Variants in BRINP3 observed in about 807,000 individuals in gnomAD.
The protein encoded by BRINP3 is BMP/retinoic acid-inducible neural-specific protein 3.
A neutral mutation model predicts 71.0 loss-of-function variants in BRINP3; 19 were observed. That is an observed-to-expected ratio of 0.27 (90% CI 0.19 to 0.39). The LOEUF (loss-of-function observed/expected upper bound fraction) is 0.39, where lower values mean the gene tolerates loss of function less well. Among genes scored for constraint, BRINP3 ranks in the 10% least tolerant of loss-of-function variants. The probability of loss-of-function intolerance (pLI) is 1.00; values close to 1 mark genes in which losing one functional copy is unlikely to be tolerated. For missense variants in BRINP3, 959 were observed against 940.8 expected (o/e 1.02, Z -0.25); for synonymous variants, 380 against 337.7 (o/e 1.13, Z -1.37).
At position 190,239,377 on chromosome 1, in the gene BRINP3, A is replaced by T. The variant is rs1479307528; in HGVS notation, c.619-4900T>A. ...ACAATGTTGAAGGAACAATATATAA[A>T]TGTTTCAATATTCTAACACTAGAAG... is the stretch of plus-strand genomic sequence containing the variant. On this transcript the variant is annotated intron_variant, in intron 4 of 7. Transcript: ENST00000367462. Among the ~76,000 whole-genome samples the T allele has an allele frequency of 3.3e-5, 5 of 152,162 alleles. No homozygotes were observed. The East Asian group carries it at 9.7e-4, about 29-fold the overall frequency.
chr1:190,432,439 A>G (rs956373678), intron 2 of BRINP3, among the ~76,000 whole-genome samples: 8 of 152,232 alleles, frequency 5.3e-5, no homozygotes, highest in African/African-American at 1.9e-4. Context: ...CAGAGGCCAT[A>G]TCACACAATA....
chr1:190,260,399 C>T (rs963394430), intron 4 of BRINP3, among the ~76,000 whole-genome samples: 17 of 152,082 alleles, frequency 1.1e-4, no homozygotes, highest in African/African-American at 3.9e-4. Flanking sequence ...TACATTAAAA[C>T]ACTATGTTGT....
chr1:190,403,223 A>G (rs1672048761), intron 2 of BRINP3, among the ~76,000 whole-genome samples: 1 of 152,228 alleles, frequency 6.6e-6, no homozygotes, highest in Non-Finnish European at 1.5e-5. Context: ...TTGCCTAGAG[A>G]CATATAAGCA....
At chr1:190,361,884 A>C (rs527239611) in intron 2 of BRINP3, among the ~76,000 whole-genome samples, 116 of 152,172 alleles carry the variant, frequency 7.6e-4, no homozygotes, top group Non-Finnish European at 1.4e-3. Flanking sequence ...AGTTCTCCCA[A>C]AATTCGTATG....
intron 2 of BRINP3, among the ~76,000 whole-genome samples, chr1:190,299,415 A>G (rs545527810): frequency 1.3e-5 from 2 of 150,800 alleles, no homozygotes; most frequent in Non-Finnish European, 3.0e-5. Flanking sequence ...TTTTTTTCCT[A>G]AAACATATAT....
At chr1:190,458,554 AT>A (rs1366873176) in intron 1 of BRINP3, among the ~76,000 whole-genome samples, 1 of 152,038 alleles carries the variant, frequency 6.6e-6, no homozygotes, top group Non-Finnish European at 1.5e-5. Flanking sequence ...ATGAGTACTA[AT>A]TTATAAATTA....
At chr1:190,471,015 G>C (rs1677102398) in intron 1 of BRINP3, among the ~76,000 whole-genome samples, 1 of 151,144 alleles carries the variant, frequency 6.6e-6, no homozygotes, top group African/African-American at 2.4e-5. Flanking sequence ...GGCTTATAAA[G>C]TAAGCTTATA....
At chr1:190,167,693 G>A (rs575238783) in intron 6 of BRINP3, among the ~76,000 whole-genome samples, 7 of 152,192 alleles carry the variant, frequency 4.6e-5, no homozygotes, top group South Asian at 2.1e-4. Flanking sequence ...TGGGAACCTC[G>A]GAACTGAAGG....
chr1:190,320,815 G>C (rs982347331), intron 2 of BRINP3, among the ~76,000 whole-genome samples: 4 of 152,022 alleles, frequency 2.6e-5, no homozygotes, highest in African/African-American at 9.7e-5. Context: ...GTACATACAT[G>C]CTCATGATAT....
chr1:190,149,116 G>C (rs1024427204), intron 7 of BRINP3, among the ~76,000 whole-genome samples: 1 of 152,122 alleles, frequency 6.6e-6, no homozygotes, highest in Non-Finnish European at 1.5e-5. Context: ...AATGAAAAAT[G>C]GTAAAGCATT....
At chr1:190,450,138 T>C (rs1017027967) in intron 2 of BRINP3, among the ~76,000 whole-genome samples, 1 of 152,132 alleles carries the variant, frequency 6.6e-6, no homozygotes, top group African/African-American at 2.4e-5. Context: ...AGAGATCATT[T>C]TTCTGTGGCT....
chr1:190,326,288 T>C (rs942918543), intron 2 of BRINP3, among the ~76,000 whole-genome samples: 1 of 152,130 alleles, frequency 6.6e-6, no homozygotes, highest in Non-Finnish European at 1.5e-5. Context: ...TGGAGTTATG[T>C]AAAGTGACCA....
intron 7 of BRINP3, among the ~76,000 whole-genome samples, chr1:190,128,344 A>C (rs953579498): frequency 5.3e-5 from 8 of 151,784 alleles, no homozygotes; most frequent in Non-Finnish European, 1.5e-5. Flanking sequence ...TAACTTCATC[A>C]ATTTGTTATA....
chr1:190,455,338 A>G (rs949914977), intron 1 of BRINP3, among the ~76,000 whole-genome samples: 1 of 152,184 alleles, frequency 6.6e-6, no homozygotes, highest in Non-Finnish European at 1.5e-5. Context: ...ATTTTATTGT[A>G]TATTTATCTT....
At chr1:190,337,690 T>G (rs888632677) in intron 2 of BRINP3, among the ~76,000 whole-genome samples, 1 of 152,104 alleles carries the variant, frequency 6.6e-6, no homozygotes, top group Admixed American at 6.6e-5. Context: ...TTTTGAGGTT[T>G]TGGGACTCAG....
At chr1:190,312,073 A>ATATATG (rs1215673029) in intron 2 of BRINP3, among the ~76,000 whole-genome samples, 66 of 139,612 alleles carry the variant, frequency 4.7e-4, no homozygotes, top group African/African-American at 1.1e-3. Context: ...ATATATATAT[A>ATATATG]TATGTATTTC....
At chr1:190,155,699 A>C (rs1344796324) in intron 7 of BRINP3, among the ~76,000 whole-genome samples, 1 of 152,040 alleles carries the variant, frequency 6.6e-6, no homozygotes, top group African/African-American at 2.4e-5. Context: ...TTGTAGGGGC[A>C]GTTTCCCCTG....
At chr1:190,221,746 C>A (rs754549007) in intron 6 of BRINP3, among the ~76,000 whole-genome samples, 1 of 151,912 alleles carries the variant, frequency 6.6e-6, no homozygotes, top group Admixed American at 6.6e-5. Flanking sequence ...AACTGGAAAA[C>A]AAAGGAGCAG....
intron 4 of BRINP3, among the ~76,000 whole-genome samples, chr1:190,259,056 T>G (rs536351737): frequency 6.6e-6 from 1 of 152,074 alleles, no homozygotes; most frequent in East Asian, 1.9e-4. Flanking sequence ...ACCACTAAAT[T>G]CAACCAAAAA....
Sources: gnomAD v4.1 joint callset for allele counts (sites outside exome capture counted in the v4.1 genomes callset) on GRCh38, gnomAD v4.1.1 for gene constraint, MANE v1.5 for transcripts, NCBI Gene and HGNC (gene_info 2026-07-23, HGNC 2026-07-21) for gene names.